Variants in STEAP2 observed in about 807,000 individuals in gnomAD.
STEAP2 encodes the protein STEAP2 metalloreductase.
A neutral mutation model predicts 46.4 loss-of-function variants in STEAP2; 30 were observed. That is an observed-to-expected ratio of 0.65 (90% CI 0.48 to 0.88). STEAP2 has a LOEUF of 0.88. STEAP2 is among the 40% of genes least tolerant of loss of function. STEAP2 has a pLI of 0.00. For synonymous variants in STEAP2, 180 were observed against 200.5 expected (o/e 0.90, Z 0.86); for missense variants, 513 against 579.3 (o/e 0.89, Z 1.18).
intron 4 of STEAP2, among the ~76,000 whole-genome samples, chr7:90,228,772 A>C (rs759324697): frequency 3.9e-5 from 6 of 152,178 alleles, no homozygotes; most frequent in Non-Finnish European, 8.8e-5. Context: ...TGGACACTCA[A>C]ACAGCCCATT....
In STEAP2 at chr7:90,232,943, TAAA is replaced by T; in HGVS notation, c.*322_*324del. 1.2e-5 allele frequency: 12 copies of T among 983,808 alleles called. No individual in the cohort carries two copies. Among genetic ancestry groups the T allele is most frequent in the Non-Finnish European group, 1.5e-5 (12 of 825,556 alleles). 60.9% of individuals were successfully genotyped at this position (983,808 alleles called of 1,614,324 possible). A position where few individuals can be genotyped will look rare whatever the true frequency, so the allele number is the denominator to read the frequency against. ...ACAGTTAATAATATAGATATAATGT[TAAA>T]AACAATTTGCAAACCAGCAGAATTT... On this transcript the variant is annotated 3_prime_UTR_variant, in exon 6 of 6. Coordinates refer to ENST00000394621, the MANE Select transcript of STEAP2 (RefSeq NM_001244944.2).
At chr7:90,213,720 C>G (rs1381069600) in intron 1 of STEAP2, 3 of 152,156 alleles carry the variant, frequency 2.0e-5, no homozygotes, top group Non-Finnish European at 4.4e-5. Context: ...CATGGTTCTT[C>G]CCTCGTGCAG....
At chr7:90,228,436 G>T (rs10487105) in intron 4 of STEAP2, among the ~76,000 whole-genome samples, 23,850 of 151,824 alleles carry the variant, frequency 0.16, 2,928 homozygotes, top group East Asian at 0.65. Context: ...GGATACTAAG[G>T]CTTTTATTGT....
chr7:90,236,956 A>G lies in STEAP2; in HGVS notation c.*4332A>G, dbSNP rs1562819068. ...TGGAATTTGTCTTCCTATTGACTCT[A>G]CTTCTTTAAAAGCGGCTGCCCATTA... is the stretch of plus-strand genomic sequence containing the variant. On this transcript the variant is annotated 3_prime_UTR_variant, in exon 6 of 6. Transcript: ENST00000394621. 3.1e-6 allele frequency: 5 copies of G among 1,613,878 alleles called. No homozygotes were observed. The highest frequency in any genetic ancestry group is 4.2e-6 in the Non-Finnish European group (5 of 1,179,956).
Position 90,220,861 on chromosome 7 carries a change from C to T in STEAP2, c.-33-4189C>T, listed in dbSNP as rs149388314. Among the ~76,000 whole-genome samples, 258 of 146,944 alleles carry T rather than the reference C, an allele frequency of 1.8e-3. 2 individuals carry two copies. The highest frequency in any genetic ancestry group is 5.9e-3 in the African/African-American group (238 of 40,240). ...TTTGTTGAGGGAAATTTTTTGATTT[C>T]TTCCTTAATTTATTCTTTGCCCCCG... On this transcript the variant is annotated intron_variant, in intron 2 of 5. Coordinates refer to ENST00000394621, the MANE Select transcript of STEAP2 (RefSeq NM_001244944.2).
chr7:90,215,162 C>G (rs761342887), intron 1 of STEAP2: 3 of 152,250 alleles, frequency 2.0e-5, no homozygotes, highest in Non-Finnish European at 4.4e-5. Context: ...CAGATGTGGG[C>G]TTACAAAGTG....
chr7:90,241,880 A>G (rs183345024), downstream of STEAP2, among the ~76,000 whole-genome samples: 92 of 152,286 alleles, frequency 6.0e-4, no homozygotes, highest in African/African-American at 2.0e-3. Flanking sequence ...AGAAAATGTC[A>G]TGTTAACTGA....
At chr7:90,243,318 A>G in the STEAP2 span, among the ~76,000 whole-genome samples, 1 of 152,236 alleles carries the variant, frequency 6.6e-6, no homozygotes, top group Non-Finnish European at 1.5e-5. Context: ...CATAAATTCT[A>G]TGGAAGATAC....
At chr7:90,231,385 A>G (rs1367366013) in intron 5 of STEAP2, among the ~76,000 whole-genome samples, 1 of 151,714 alleles carries the variant, frequency 6.6e-6, no homozygotes, top group African/African-American at 2.4e-5. Flanking sequence ...AGTTTATTTA[A>G]TTTTATCATA....
At chr7:90,223,060 T>A (rs996651195) in intron 2 of STEAP2, among the ~76,000 whole-genome samples, 1 of 152,154 alleles carries the variant, frequency 6.6e-6, no homozygotes, top group Non-Finnish European at 1.5e-5. Flanking sequence ...TGCTAGTCTC[T>A]CAACTAAAAA....
chr7:90,236,629 A>G lies in STEAP2; in HGVS notation c.*4005A>G. ...ATGGGTTCTTCACTTTTTTTTTAGT[A>G]TGAGAAAATTATACAGTGCTTAATT... On this transcript the variant is annotated 3_prime_UTR_variant, in exon 6 of 6. Transcript: ENST00000394621. 14 of 1,154,828 alleles carry G rather than the reference A, an allele frequency of 1.2e-5. No individual in the cohort carries two copies. The highest frequency in any genetic ancestry group is 1.5e-5 in the Non-Finnish European group (14 of 938,994). 71.5% of individuals were successfully genotyped at this position (1,154,828 alleles called of 1,614,324 possible).
chr7:90,213,008 T>C (rs1794881509), intron 1 of STEAP2, among the ~76,000 whole-genome samples: 2 of 152,264 alleles, frequency 1.3e-5, no homozygotes, highest in South Asian at 4.1e-4. Flanking sequence ...ACTCCGATTC[T>C]CTCTTGGTTG....
intron 2 of STEAP2, among the ~76,000 whole-genome samples, chr7:90,216,905 C>T (rs1301533860): frequency 6.6e-6 from 1 of 152,196 alleles, no homozygotes; most frequent in Non-Finnish European, 1.5e-5. Flanking sequence ...TTGGAGAATG[C>T]ACCTAGGGTT....
Position 90,236,699 on chromosome 7 carries a change from C to T in STEAP2, c.*4075C>T. On this transcript the variant is annotated 3_prime_UTR_variant, in exon 6 of 6. Transcript: ENST00000394621. ...TGTTACTAAAAAATGTTTTGTTCAG[C>T]CTAACATACTGAGTTTTTTTTAACT... 5 of 1,383,050 alleles carry T rather than the reference C, an allele frequency of 3.6e-6. No individual in the cohort carries two copies. Among genetic ancestry groups the T allele is most frequent in the Non-Finnish European group, 4.7e-6 (5 of 1,072,952 alleles). The allele number at this position is 1,383,050 out of a possible 1,614,324, so 85.7% of individuals were successfully genotyped here.
chr7:90,220,945 T>C (rs959974843), intron 2 of STEAP2, among the ~76,000 whole-genome samples: 1 of 152,176 alleles, frequency 6.6e-6, no homozygotes, highest in Non-Finnish European at 1.5e-5. Context: ...AAGTTCCTCA[T>C]GTTGTTGACT....
chr7:90,222,753 G>A (rs1160521222), intron 2 of STEAP2, among the ~76,000 whole-genome samples: 1 of 152,190 alleles, frequency 6.6e-6, no homozygotes, highest in African/African-American at 2.4e-5. Context: ...ACATACTGAT[G>A]TATTTGGAGT....
intron 2 of STEAP2, among the ~76,000 whole-genome samples, chr7:90,218,519 G>A (rs1198626583): frequency 6.6e-6 from 1 of 152,060 alleles, no homozygotes; most frequent in Non-Finnish European, 1.5e-5. Flanking sequence ...TATATTTGAA[G>A]AGGATATCCT....
downstream of STEAP2, among the ~76,000 whole-genome samples, chr7:90,242,784 C>G (rs1328936149): frequency 2.0e-5 from 3 of 152,194 alleles, no homozygotes; most frequent in African/African-American, 7.2e-5. Context: ...CTAAAGATAT[C>G]TATCAGTAGC....
chr7:90,234,590 A>G lies in STEAP2; in HGVS notation c.*1966A>G, dbSNP rs970937567. On this transcript the variant is annotated 3_prime_UTR_variant, in exon 6 of 6. Transcript: ENST00000394621. ...TTTAAAGACAGAGTCTTGCTCTGTC[A>G]CCCAGGCTGGAGTGCAGTGGCACGA... The G allele has an allele frequency of 1.4e-5, 13 of 904,010 alleles. No individual in the cohort carries two copies. In the Admixed American group the frequency reaches 4.1e-4, roughly 28 times the overall value. 56.0% of individuals were successfully genotyped at this position (904,010 alleles called of 1,614,324 possible).
Sources: allele counts gnomAD v4.1 joint callset (sites outside exome capture counted in the v4.1 genomes callset), GRCh38; gene constraint gnomAD v4.1.1; transcripts MANE v1.5; gene names NCBI Gene and HGNC (gene_info 2026-07-23, HGNC 2026-07-21).